Variants in SNTG1 observed in about 807,000 individuals in gnomAD.
The protein encoded by SNTG1 is gamma-1-syntrophin.
Under a neutral mutation model 74.7 loss-of-function variants are expected in SNTG1, and 39 were observed. The ratio of observed to expected loss-of-function variants is 0.52; its 90% CI spans 0.40 to 0.68. The LOEUF (loss-of-function observed/expected upper bound fraction) is 0.68. Ranked by LOEUF, SNTG1 falls within the 30% of genes least tolerant of loss-of-function variation. The pLI, the probability that SNTG1 is intolerant of heterozygous loss-of-function variation, is 0.00. For synonymous variants in SNTG1, 254 were observed against 217.1 expected (o/e 1.17, Z -1.49); for missense variants, 685 against 609.5 (o/e 1.12, Z -1.30).
At chr8:50,544,270 G>C (rs1213472586) in intron 11 of SNTG1, among the ~76,000 whole-genome samples, 1 of 151,904 alleles carries the variant, frequency 6.6e-6, no homozygotes, top group African/African-American at 2.4e-5. Flanking sequence ...TTCAGAAAAT[G>C]TTAGAACTTT....
chr8:50,777,948 C>A (rs778752989), intron 18 of SNTG1, among the ~76,000 whole-genome samples: 28 of 151,754 alleles, frequency 1.8e-4, no homozygotes, highest in Non-Finnish European at 4.0e-4. Context: ...TGAGAATATG[C>A]GGTGTTTGGT....
chr8:50,271,571 A>G (rs1015584130), intron 2 of SNTG1, among the ~76,000 whole-genome samples: 3 of 152,164 alleles, frequency 2.0e-5, no homozygotes, highest in Non-Finnish European at 4.4e-5. Context: ...GATTTCTTAT[A>G]ACTATTGGCT....
intron 9 of SNTG1, among the ~76,000 whole-genome samples, chr8:50,508,007 T>A (rs1421087074): frequency 6.6e-6 from 1 of 152,028 alleles, no homozygotes; most frequent in Non-Finnish European, 1.5e-5. Context: ...CATGTTGGTA[T>A]GCTGCCCCCA....
intron 2 of SNTG1, among the ~76,000 whole-genome samples, chr8:50,366,610 T>C (rs1309744232): frequency 6.7e-6 from 1 of 149,426 alleles, no homozygotes; most frequent in African/African-American, 2.4e-5. Flanking sequence ...TCCGTACTGG[T>C]TTTTAAATAA....
chr8:50,651,357 T>C (rs1026290380), intron 13 of SNTG1, among the ~76,000 whole-genome samples: 1 of 152,126 alleles, frequency 6.6e-6, no homozygotes, highest in Non-Finnish European at 1.5e-5. Flanking sequence ...AATGCATATA[T>C]ATAAGATATA....
chr8:50,624,504 G>A (rs1369743105), intron 13 of SNTG1, among the ~76,000 whole-genome samples: 2 of 151,920 alleles, frequency 1.3e-5, no homozygotes, highest in African/African-American at 4.8e-5. Flanking sequence ...ATGGAATTTG[G>A]TACTTGAAAT....
intron 2 of SNTG1, among the ~76,000 whole-genome samples, chr8:50,204,293 C>CT (rs932204004): frequency 9.2e-5 from 14 of 151,956 alleles, no homozygotes; most frequent in East Asian, 5.8e-4. Flanking sequence ...TAGTACATAT[C>CT]TTTTTTTTGT....
intron 1 of SNTG1, among the ~76,000 whole-genome samples, chr8:50,044,316 G>C (rs1818892909): frequency 6.6e-6 from 1 of 152,176 alleles, no homozygotes; most frequent in Non-Finnish European, 1.5e-5. Context: ...TTTTACCTAA[G>C]AGCAGGAGAG....
chr8:50,502,649 T>C (rs1317463781), intron 8 of SNTG1, 129 bp from the exon 9 acceptor site: 4 of 684,922 alleles, frequency 5.8e-6, no homozygotes, highest in Admixed American at 2.9e-5. Context: ...CCCTCTATCT[T>C]TTATAAAATG....
intron 9 of SNTG1, among the ~76,000 whole-genome samples, chr8:50,516,704 G>A (rs767098531): frequency 2.0e-5 from 3 of 151,950 alleles, no homozygotes; most frequent in Non-Finnish European, 4.4e-5. Flanking sequence ...AGAGATTGAA[G>A]ATTAACTTAA....
At chr8:50,532,155 C>A (rs957504220) in intron 10 of SNTG1, among the ~76,000 whole-genome samples, 1 of 152,084 alleles carries the variant, frequency 6.6e-6, no homozygotes, top group Non-Finnish European at 1.5e-5. Context: ...TAGGATTGAA[C>A]ATTCTTTTGA....
intron 2 of SNTG1, among the ~76,000 whole-genome samples, chr8:50,226,526 A>G (rs1407809149): frequency 6.6e-6 from 1 of 152,200 alleles, no homozygotes; most frequent in Non-Finnish European, 1.5e-5. Context: ...GGCAGCCACT[A>G]TAAGACTTCA....
intron 8 of SNTG1, among the ~76,000 whole-genome samples, chr8:50,478,347 T>A (rs2093712888): frequency 6.6e-6 from 1 of 152,192 alleles, no homozygotes; most frequent in Admixed American, 6.5e-5. Flanking sequence ...CTTGTATTAT[T>A]TTTAATGACA....
intron 12 of SNTG1, among the ~76,000 whole-genome samples, chr8:50,572,514 T>C (rs552652129): frequency 2.2e-4 from 34 of 152,292 alleles, no homozygotes; most frequent in African/African-American, 7.9e-4. Flanking sequence ...TCAGATATAA[T>C]ATCTAATCAT....
At chr8:50,234,768 G>T (rs573000870) in intron 2 of SNTG1, among the ~76,000 whole-genome samples, 5 of 152,014 alleles carry the variant, frequency 3.3e-5, no homozygotes, top group Admixed American at 2.6e-4. Context: ...ATCACAAAGT[G>T]ACTAAAAATG....
chr8:50,341,411 A>G (rs961055782), intron 2 of SNTG1, among the ~76,000 whole-genome samples: 1 of 151,938 alleles, frequency 6.6e-6, no homozygotes, highest in African/African-American at 2.4e-5. Context: ...AATATTTGCT[A>G]CAGTCATTTC....
At chr8:50,204,102 C>A (rs2084101316) in intron 2 of SNTG1, among the ~76,000 whole-genome samples, 1 of 152,010 alleles carries the variant, frequency 6.6e-6, no homozygotes, top group Admixed American at 6.6e-5. Context: ...TACTAATGGA[C>A]TGAAAAAGGG....
chr8:50,089,358 T>G (rs1452012658), intron 1 of SNTG1, among the ~76,000 whole-genome samples: 1 of 150,360 alleles, frequency 6.7e-6, no homozygotes, highest in Non-Finnish European at 1.5e-5. Context: ...AAGGACTTCA[T>G]GTCTAAAACA....
chr8:50,391,371 G>A (rs1374671701), intron 2 of SNTG1, among the ~76,000 whole-genome samples: 18 of 152,082 alleles, frequency 1.2e-4, no homozygotes, highest in Admixed American at 1.3e-4. Flanking sequence ...GCTGGATTAC[G>A]TTTATTGATT....
Sources: allele counts gnomAD v4.1 joint callset (sites outside exome capture counted in the v4.1 genomes callset), GRCh38; gene constraint gnomAD v4.1.1; transcripts MANE v1.5; gene names NCBI Gene and HGNC (gene_info 2026-07-23, HGNC 2026-07-21).